The following MMP10 variants were observed in gnomAD, a reference collection of about 807,000 sequenced individuals.
The protein encoded by MMP10 is matrix metallopeptidase 10.
In MMP10, 50 loss-of-function variants were observed where a neutral mutation model predicts 49.1. The observed-to-expected ratio is 1.02, with a 90% confidence interval of 0.81 to 1.29. The LOEUF is 1.29. Ranked by LOEUF, MMP10 falls within the 50% of genes most tolerant of loss-of-function variation. MMP10 has a pLI of 0.00. For missense variants in MMP10, 613 were observed against 563.8 expected (o/e 1.09, Z -0.88); for synonymous variants, 229 against 201.6 (o/e 1.14, Z -1.15).
At chr11:102,771,962 T>A in intron 9 of MMP10, 50 bp downstream of exon 9, 1 of 1,137,486 alleles carries the variant, frequency 8.8e-7, no homozygotes, top group Non-Finnish European at 1.3e-6. Flanking sequence ...TTTGAAATCA[T>A]AAAAATGCCT....
At chr11:102,774,774 C>T (rs1862005385) in intron 7 of MMP10, among the ~76,000 whole-genome samples, 1 of 152,140 alleles carries the variant, frequency 6.6e-6, no homozygotes, top group South Asian at 2.1e-4. Flanking sequence ...GATACTACAT[C>T]TTACCGATTA....
At chr11:102,773,716 C>T (rs561558032) in intron 7 of MMP10, among the ~76,000 whole-genome samples, 1 of 152,292 alleles carries the variant, frequency 6.6e-6, no homozygotes, top group East Asian at 1.9e-4. Flanking sequence ...CATCTCTGCA[C>T]AACAATAGAG....
In MMP10 at chr11:102,774,309, C is replaced by A. The variant is rs17860985; in HGVS notation, c.1066+879G>T. 2.1e-3 allele frequency among the ~76,000 whole-genome samples: 321 copies of A among 152,128 alleles called. 1 individual carries two copies. The highest frequency in any genetic ancestry group is 7.3e-3 in the African/African-American group (302 of 41,534). On this transcript the variant is annotated intron_variant, in intron 7 of 9. Transcript: ENST00000279441. ...CAAACTTAAGCTATAACAATAATAA[C>A]AGGATCAATTCAAAGTAAACAAAAA...
In MMP10 at chr11:102,773,009, A is replaced by T; in HGVS notation, c.1067-3T>A. The T allele has an allele frequency of 6.3e-7, 1 of 1,581,640 alleles. No individual in the cohort carries two copies. The highest frequency in any genetic ancestry group is 1.2e-5 in the South Asian group (1 of 84,540). The stretch of plus-strand genomic sequence containing the variant: ...TCTGATGGCCCAGAACTCATTTCCT[A>T]TTGAAAAAATAAATCCAAGACATTT... On this transcript the variant is annotated splice_region_variant and splice_polypyrimidine_tract_variant and intron_variant, in intron 7 of 9. Coordinates refer to ENST00000279441, the MANE Select transcript of MMP10 (RefSeq NM_002425.3).
intron 1 of MMP10, among the ~76,000 whole-genome samples, chr11:102,779,953 G>A (rs540745406): frequency 6.6e-6 from 1 of 152,276 alleles, no homozygotes; most frequent in East Asian, 1.9e-4. Flanking sequence ...ATTGGGGATT[G>A]AAAATTCAAG....
intron 4 of MMP10, among the ~76,000 whole-genome samples, chr11:102,777,926 C>T (rs1210636769): frequency 6.6e-6 from 1 of 152,122 alleles, no homozygotes; most frequent in Non-Finnish European, 1.5e-5. Flanking sequence ...CGTGCCTCAG[C>T]CTCCTGAGTC....
Position 102,779,933 on chromosome 11 carries a change from C to G in MMP10, c.106-188G>C, listed in dbSNP as rs574795652. On this transcript the variant is annotated intron_variant, in intron 1 of 9. Coordinates refer to ENST00000279441, the MANE Select transcript of MMP10 (RefSeq NM_002425.3). ...TTTATTGCAATGTTAGTTTGCTAGT[C>G]AAGTAAGGAATTGGGGATTGAAAAT... 2.6e-5 allele frequency among the ~76,000 whole-genome samples: 4 copies of G among 152,208 alleles called. No homozygotes were observed. In the East Asian group the frequency reaches 5.8e-4, roughly 22 times the overall value.
intron 4 of MMP10, 35 bp downstream of exon 4, chr11:102,778,589 A>G: frequency 1.2e-6 from 2 of 1,609,684 alleles, no homozygotes; most frequent in Non-Finnish European, 1.7e-6. Flanking sequence ...ATTGGACATT[A>G]TTCCTGAAAT....
chr11:102,771,110 G>A (rs1329793480), intron 9 of MMP10, among the ~76,000 whole-genome samples: 5 of 152,098 alleles, frequency 3.3e-5, no homozygotes, highest in Admixed American at 6.5e-5. Context: ...AAATTAAGAC[G>A]GTTTTGTAAT....
chr11:102,775,398 A>T, intron 6 of MMP10, 77 bp from the exon 7 acceptor site: 1 of 1,233,154 alleles, frequency 8.1e-7, no homozygotes. Context: ...TTTTAAATCC[A>T]TGCTAATTCA....
rs374338392 is a variant in MMP10, at chr11:102,777,608, G to A, written c.623-832C>T. On this transcript the variant is annotated intron_variant, in intron 4 of 9. Transcript: ENST00000279441. ...AATCTTCCCAGTAATAGGTGCCATT[G>A]GATGTGTACAATCTTTAGTTTAAAA... 3.9e-5 allele frequency among the ~76,000 whole-genome samples: 6 copies of A among 152,180 alleles called. No homozygotes were observed. In the East Asian group the frequency reaches 1.2e-3, roughly 29 times the overall value.
rs190380615 is a variant in MMP10 at position 102,779,533 on chromosome 11, C to G, written c.318G>C (p.Pro106=). 6.2e-7 allele frequency: 1 copy of G among 1,614,058 alleles called. No individual in the cohort carries two copies. The highest frequency in any genetic ancestry group is 8.5e-7 in the Non-Finnish European group (1 of 1,180,008). ...ATGTAAGGTGGGTTTTCCTCCACTT[C>G]GGCATGCCAGGAAAGGAGCTGAAGT... The part of the protein sequence containing the change: ...VGHFSSFPGM[P]KWRKTHLTYR... Residue 106 remains proline (P), a synonymous_variant, in exon 2 of 10, where the codon CCG becomes CCC. Coordinates refer to ENST00000279441, the MANE Select transcript of MMP10 (RefSeq NM_002425.3).
At chr11:102,775,548 TTA>T (rs1245025370) in intron 6 of MMP10, among the ~76,000 whole-genome samples, 1 of 152,158 alleles carries the variant, frequency 6.6e-6, no homozygotes, top group Non-Finnish European at 1.5e-5. Context: ...AGTGTGCATA[TTA>T]TGTCCTAATA....
At position 102,770,607 on chromosome 11, in the gene MMP10, G is replaced by A; in HGVS notation, c.*186C>T. On this transcript the variant is annotated 3_prime_UTR_variant, in exon 10 of 10. Transcript: ENST00000279441. ...CATGAGTATTTCTTAATTCTGTTCA[G>A]TGCAATTCAAAAGCAAGTGAAGAAT... The A allele has an allele frequency of 3.9e-6, 2 of 515,138 alleles. No individual in the cohort carries two copies. Among genetic ancestry groups the A allele is most frequent in the Non-Finnish European group, 6.8e-6 (2 of 293,716 alleles). The allele number at this position is 515,138 out of a possible 1,614,324, so 31.9% of individuals were successfully genotyped here.
chr11:102,780,122 T>C (rs1352428753), intron 1 of MMP10, among the ~76,000 whole-genome samples: 4 of 152,194 alleles, frequency 2.6e-5, no homozygotes, highest in Non-Finnish European at 5.9e-5. Context: ...AGTAAAAATA[T>C]GAAAACTATT....
intron 9 of MMP10, among the ~76,000 whole-genome samples, chr11:102,771,270 C>G (rs953592918): frequency 1.6e-4 from 25 of 152,146 alleles, no homozygotes; most frequent in African/African-American, 6.0e-4. Context: ...TTCTTTCCAA[C>G]CTCCCCTCTT....
chr11:102,780,175 C>T (rs1296624818), intron 1 of MMP10, among the ~76,000 whole-genome samples: 2 of 152,158 alleles, frequency 1.3e-5, no homozygotes, highest in Admixed American at 6.5e-5. Flanking sequence ...GCTCCCCTCC[C>T]CAATAATTTT....
Position 102,774,796 on chromosome 11 carries a change from C to A in MMP10, c.1066+392G>T, listed in dbSNP as rs899809632. ...CATCTTACCGATTAAAGTTTTATAA[C>A]ACAGGGCTTTTCTCCTCATCTAATA... On this transcript the variant is annotated intron_variant, in intron 7 of 9. Transcript: ENST00000279441. 3.3e-5 allele frequency among the ~76,000 whole-genome samples: 5 copies of A among 152,300 alleles called. No individual in the cohort carries two copies. In the East Asian group the frequency reaches 9.6e-4, roughly 29 times the overall value.
In MMP10 at chr11:102,776,264, A is replaced by G. The variant is rs1857731136; in HGVS notation, c.932+16T>C. On this transcript the variant is annotated intron_variant, in intron 6 of 9. Transcript: ENST00000279441. ...ATCAAAAGAATAGATAGGAAAATAT[A>G]ATTTTCTGGTCTGACCTGTCTTTAA... The G allele has an allele frequency of 6.3e-7, 1 of 1,599,514 alleles. No homozygotes were observed. The highest frequency in any genetic ancestry group is 8.5e-7 in the Non-Finnish European group (1 of 1,173,374).
Sources: gnomAD v4.1 joint callset for allele counts (sites outside exome capture counted in the v4.1 genomes callset) on GRCh38, gnomAD v4.1.1 for gene constraint, MANE v1.5 for transcripts, NCBI Gene and HGNC (gene_info 2026-07-23, HGNC 2026-07-21) for gene names.